CDH13: variants seen among roughly 807,000 people sequenced by gnomAD.
The protein encoded by CDH13 is cadherin 13.
CDH13 carries 24 observed loss-of-function variants against 63.8 expected under a neutral mutation model. The ratio of observed to expected loss-of-function variants is 0.38; its 90% confidence interval spans 0.27 to 0.53. CDH13 has a LOEUF of 0.53. Ranked by LOEUF, CDH13 falls within the 20% of genes least tolerant of loss-of-function variation. The pLI, the probability that CDH13 is intolerant of heterozygous loss-of-function variation, is 0.85. For missense variants in CDH13, 1,049 were observed against 903.1 expected (o/e 1.16, Z -2.07); for synonymous variants, 503 against 355.3 (o/e 1.42, Z -4.67).
chr16:83,293,440 T>G (rs797017262), intron 5 of CDH13, among the ~76,000 whole-genome samples: 7 of 152,188 alleles, frequency 4.6e-5, no homozygotes, highest in African/African-American at 1.2e-4. Flanking sequence ...TTCCCAGCTG[T>G]CATCTGGGAA....
chr16:82,650,864 T>C (rs1272867454), intron 1 of CDH13, among the ~76,000 whole-genome samples: 1 of 152,192 alleles, frequency 6.6e-6, no homozygotes, highest in Admixed American at 6.5e-5. Flanking sequence ...GTAAGCCCAG[T>C]GGGGCAGGGC....
At chr16:83,743,135 A>T (rs1288507766) in intron 10 of CDH13, among the ~76,000 whole-genome samples, 1 of 152,178 alleles carries the variant, frequency 6.6e-6, no homozygotes, top group African/African-American at 2.4e-5. Flanking sequence ...TGAACCCAGG[A>T]GGCAGAGGTT....
At chr16:83,771,922 A>C (rs78376929) in intron 11 of CDH13, among the ~76,000 whole-genome samples, 5,017 of 152,314 alleles carry the variant, frequency 0.033, 129 homozygotes, top group East Asian at 0.1. Flanking sequence ...TGGAATTGCC[A>C]ACCTTGTAAC....
chr16:83,052,466 A>G (rs1269150338), intron 3 of CDH13, among the ~76,000 whole-genome samples: 1 of 152,218 alleles, frequency 6.6e-6, no homozygotes, highest in African/African-American at 2.4e-5. Context: ...ACATTTAGAA[A>G]AGCCAAAATG....
At chr16:83,672,366 T>C (rs1914571127) in intron 9 of CDH13, among the ~76,000 whole-genome samples, 1 of 146,984 alleles carries the variant, frequency 6.8e-6, no homozygotes, top group Non-Finnish European at 1.5e-5. Flanking sequence ...CTTCTCTCTC[T>C]ATCCTCACAT....
At chr16:83,344,348 G>C (rs1424167) in intron 5 of CDH13, among the ~76,000 whole-genome samples, 66,055 of 152,082 alleles carry the variant, frequency 0.43, 14,387 homozygotes, top group Admixed American at 0.48. Context: ...GGAATCCCGA[G>C]GTCTCATTCA....
At chr16:83,076,000 A>G (rs1395515867) in intron 3 of CDH13, among the ~76,000 whole-genome samples, 2 of 152,216 alleles carry the variant, frequency 1.3e-5, no homozygotes, top group East Asian at 3.9e-4. Context: ...AATAATCTAA[A>G]TGTGTTAAGG....
At chr16:82,940,176 C>T (rs866534223) in intron 2 of CDH13, among the ~76,000 whole-genome samples, 2 of 152,120 alleles carry the variant, frequency 1.3e-5, no homozygotes, top group South Asian at 2.1e-4. Context: ...GGGTTGGGGA[C>T]GCAGCCAAAC....
intron 2 of CDH13, among the ~76,000 whole-genome samples, chr16:82,912,113 T>G (rs1315376666): frequency 6.6e-6 from 1 of 152,044 alleles, no homozygotes; most frequent in Non-Finnish European, 1.5e-5. Context: ...TGGAAACCTG[T>G]GGGAACAGCA....
At chr16:83,429,226 C>G (rs1233955777) in intron 6 of CDH13, among the ~76,000 whole-genome samples, 1 of 152,188 alleles carries the variant, frequency 6.6e-6, no homozygotes, top group Non-Finnish European at 1.5e-5. Flanking sequence ...GTGACACAGA[C>G]TGGTATCCCA....
chr16:82,816,579 C>G (rs868759325), intron 1 of CDH13, among the ~76,000 whole-genome samples: 1 of 151,908 alleles, frequency 6.6e-6, no homozygotes, highest in African/African-American at 2.4e-5. Context: ...AAAGAGGTGC[C>G]AGGCCAAGGT....
chr16:83,361,102 GC>G (rs1347489117), intron 6 of CDH13, among the ~76,000 whole-genome samples: 1 of 152,136 alleles, frequency 6.6e-6, no homozygotes, highest in Non-Finnish European at 1.5e-5. Flanking sequence ...AGCATCTGTT[GC>G]TTTTTGACTT....
chr16:82,725,530 A>T (rs1288721138), intron 1 of CDH13, among the ~76,000 whole-genome samples: 1 of 152,178 alleles, frequency 6.6e-6, no homozygotes, highest in African/African-American at 2.4e-5. Flanking sequence ...TAGGTGTTTT[A>T]AGGAATGGTA....
intron 4 of CDH13, among the ~76,000 whole-genome samples, chr16:83,200,617 T>C (rs556794481): frequency 5.3e-5 from 8 of 152,294 alleles, no homozygotes; most frequent in African/African-American, 1.9e-4. Flanking sequence ...ATTGGGCAAT[T>C]GTGTTTACCC....
chr16:83,485,539 A>G (rs563072303), intron 6 of CDH13, among the ~76,000 whole-genome samples: 202 of 152,298 alleles, frequency 1.3e-3, no homozygotes, highest in African/African-American at 4.6e-3. Flanking sequence ...TAGTAGGTAC[A>G]CATTAGTGTT....
chr16:83,757,946 G>C (rs754985228), intron 11 of CDH13, among the ~76,000 whole-genome samples: 9 of 151,960 alleles, frequency 5.9e-5, no homozygotes, highest in Non-Finnish European at 1.0e-4. Flanking sequence ...TGGCCAACAT[G>C]ACAAAGCCCC....
chr16:83,675,415 C>T lies in CDH13; in HGVS notation c.1285-2793C>T, dbSNP rs150018053. ...GGCTCCCTCCCTCGCTGCTCCCCTC[C>T]CTCTGTGGCTTCCTGCATGGCATAG... On this transcript the variant is annotated intron_variant, in intron 9 of 13. Transcript: ENST00000567109. Among the ~76,000 whole-genome samples the T allele has an allele frequency of 4.9e-3, 748 of 152,312 alleles. 1 individual carries two copies. The highest frequency in any genetic ancestry group is 8.5e-3 in the Non-Finnish European group (576 of 68,030).
chr16:83,137,698 G>A (rs16959390), intron 4 of CDH13, among the ~76,000 whole-genome samples: 1 of 152,176 alleles, frequency 6.6e-6, no homozygotes, highest in Admixed American at 6.5e-5. Flanking sequence ...TGAGGCCGCA[G>A]CTGACTCAGT....
At chr16:82,942,291 C>G (rs1379633885) in intron 2 of CDH13, among the ~76,000 whole-genome samples, 1 of 152,170 alleles carries the variant, frequency 6.6e-6, no homozygotes, top group Non-Finnish European at 1.5e-5. Context: ...CTTTCCGTCA[C>G]TGAATTGCAG....
Sources: gnomAD v4.1 joint callset for allele counts (sites outside exome capture counted in the v4.1 genomes callset) on GRCh38, gnomAD v4.1.1 for gene constraint, MANE v1.5 for transcripts, NCBI Gene and HGNC (gene_info 2026-07-23, HGNC 2026-07-21) for gene names.